Variants in FNDC3A observed in about 807,000 individuals in gnomAD.
The protein encoded by FNDC3A is fibronectin type III domain containing 3A.
FNDC3A carries 32 observed loss-of-function variants against 148.9 expected under a neutral mutation model. The observed-to-expected ratio is 0.21, with a 90% CI of 0.16 to 0.29. FNDC3A has a LOEUF of 0.29. FNDC3A is among the 10% of genes least tolerant of loss of function. The probability of loss-of-function intolerance (pLI) is 1.00; values close to 1 mark genes in which losing one functional copy is unlikely to be tolerated. For missense variants in FNDC3A, 1,191 were observed against 1,452.8 expected, an observed-to-expected ratio of 0.82 and a Z score of 2.93; for synonymous variants, 472 against 473.6, an observed-to-expected ratio of 1.00 and a Z score of 0.04.
intron 8 of FNDC3A, chr13:49,146,518 C>T (rs1329424572): frequency 6.6e-6 from 1 of 152,440 alleles, no homozygotes; most frequent in Non-Finnish European, 1.5e-5. Flanking sequence ...GGGTGGATCA[C>T]CTGAGTTCAG....
intron 4 of FNDC3A, among the ~76,000 whole-genome samples, chr13:49,115,290 C>T (rs1361405788): frequency 6.6e-6 from 1 of 151,954 alleles, no homozygotes; most frequent in Non-Finnish European, 1.5e-5. Context: ...TTTATGAACA[C>T]AGGCAAACTG....
chr13:49,178,295 A>ATTTT (rs1241510161), intron 13 of FNDC3A, among the ~76,000 whole-genome samples: 2 of 151,986 alleles, frequency 1.3e-5, no homozygotes, highest in South Asian at 2.1e-4. Flanking sequence ...AACTCTATAA[A>ATTTT]CTCTTCCCTC....
chr13:48,981,330 T>C (rs1951691014), intron 1 of FNDC3A, among the ~76,000 whole-genome samples: 1 of 152,112 alleles, frequency 6.6e-6, no homozygotes, highest in African/African-American at 2.4e-5. Flanking sequence ...CAATCTTGGT[T>C]TTCTAAGCAT....
At chr13:49,117,898 T>C (rs994151913) in intron 4 of FNDC3A, among the ~76,000 whole-genome samples, 4 of 152,200 alleles carry the variant, frequency 2.6e-5, no homozygotes, top group Admixed American at 6.5e-5. Context: ...TTTAGGTTCC[T>C]TAAGATAGGA....
intron 8 of FNDC3A, among the ~76,000 whole-genome samples, chr13:49,148,119 G>A (rs1883093203): frequency 6.6e-6 from 1 of 152,070 alleles, no homozygotes; most frequent in African/African-American, 2.4e-5. Flanking sequence ...CTGGATATTA[G>A]TCTTTTGTTA....
intron 3 of FNDC3A, among the ~76,000 whole-genome samples, chr13:49,105,719 T>C (rs1218729996): frequency 7.2e-5 from 11 of 152,326 alleles, no homozygotes; most frequent in Admixed American, 7.2e-4. Context: ...ATGTTCTAAA[T>C]TACATCCTTC....
chr13:48,997,702 G>T (rs571602648), intron 1 of FNDC3A, among the ~76,000 whole-genome samples: 1 of 152,242 alleles, frequency 6.6e-6, no homozygotes, highest in South Asian at 2.1e-4. Context: ...GGACATCTTG[G>T]CCTCCGTAAC....
intron 1 of FNDC3A, among the ~76,000 whole-genome samples, chr13:48,978,172 T>G (rs1055699735): frequency 6.6e-6 from 1 of 152,178 alleles, no homozygotes; most frequent in African/African-American, 2.4e-5. Context: ...TTAACACACA[T>G]GTAATGATTA....
In FNDC3A at chr13:49,114,747, A is replaced by AT; in HGVS notation, c.252+21dup. 1 of 1,530,650 alleles carries AT rather than the reference A, an allele frequency of 6.5e-7. No individual in the cohort carries two copies. Among genetic ancestry groups the AT allele is most frequent in the Non-Finnish European group, 9.1e-7 (1 of 1,104,370 alleles). 94.8% of individuals were successfully genotyped at this position (1,530,650 alleles called of 1,614,324 possible). ...TGCCCCACAGGTATGTTTTTATGCT[A>AT]TTTTTCTTTTCATATTTGTATAATA... On this transcript the variant is annotated intron_variant, in intron 4 of 25. Coordinates refer to ENST00000492622, the MANE Select transcript of FNDC3A (RefSeq NM_001079673.2).
chr13:49,086,260 A>C (rs1162617925), intron 3 of FNDC3A, among the ~76,000 whole-genome samples: 1 of 151,998 alleles, frequency 6.6e-6, no homozygotes, highest in African/African-American at 2.4e-5. Context: ...AAGATGGTTT[A>C]TTTCTTTTGA....
chr13:49,046,220 A>AT (rs1875395341), intron 2 of FNDC3A: 1 of 156,072 alleles, frequency 6.4e-6, no homozygotes, highest in Non-Finnish European at 1.4e-5. Flanking sequence ...TCCTCAGATC[A>AT]TTTCCAAGCA....
At position 49,209,009 on chromosome 13, in the gene FNDC3A, T is replaced by C. The variant is rs1886777850; in HGVS notation, c.*1614T>C. 6.6e-6 allele frequency: 1 copy of C among 152,662 alleles called. No individual in the cohort carries two copies. The allele number at this position is 152,662 out of a possible 1,614,324, so 9.5% of individuals were successfully genotyped here. On this transcript the variant is annotated 3_prime_UTR_variant, in exon 26 of 26. Transcript: ENST00000492622. ...TTGTTCAAAAAAGAAATGGATAAAC[T>C]TGGCCTTTCTAAGTGGTAAGAATGA...
intron 1 of FNDC3A, among the ~76,000 whole-genome samples, chr13:49,004,100 A>G (rs2137594105): frequency 6.6e-6 from 1 of 152,276 alleles, no homozygotes; most frequent in Non-Finnish European, 1.5e-5. Flanking sequence ...AATACATCAA[A>G]TGTTACATTA....
chr13:49,168,027 T>C (rs946188954), intron 9 of FNDC3A, among the ~76,000 whole-genome samples: 1 of 152,204 alleles, frequency 6.6e-6, no homozygotes, highest in Non-Finnish European at 1.5e-5. Context: ...AGATAATGTT[T>C]TACTCTATGC....
intron 2 of FNDC3A, among the ~76,000 whole-genome samples, chr13:49,051,103 C>T (rs926636010): frequency 6.6e-6 from 1 of 152,080 alleles, no homozygotes; most frequent in Non-Finnish European, 1.5e-5. Context: ...ATCTATTCTG[C>T]CATTCTGTAT....
chr13:49,026,814 G>A (rs1593488942), intron 2 of FNDC3A, among the ~76,000 whole-genome samples: 1 of 152,268 alleles, frequency 6.6e-6, no homozygotes. Context: ...TAAGATATAA[G>A]TAGCCAATAA....
chr13:49,140,755 G>A (rs986043568), intron 7 of FNDC3A, among the ~76,000 whole-genome samples: 1 of 152,216 alleles, frequency 6.6e-6, no homozygotes, highest in African/African-American at 2.4e-5. Flanking sequence ...ACAAGGCTTA[G>A]TTCAGTAAAC....
intron 10 of FNDC3A, among the ~76,000 whole-genome samples, 195 bp downstream of exon 10, chr13:49,168,946 C>G (rs1593698663): frequency 6.6e-6 from 1 of 152,178 alleles, no homozygotes; most frequent in East Asian, 1.9e-4. Context: ...GTAAATATAG[C>G]AAAAACGATT....
intron 2 of FNDC3A, among the ~76,000 whole-genome samples, chr13:49,059,816 G>T (rs1489850839): frequency 2.6e-5 from 4 of 152,082 alleles, no homozygotes; most frequent in Admixed American, 2.6e-4. Context: ...AATATATAAA[G>T]AACTATTACA....
Sources: allele counts gnomAD v4.1 joint callset (sites outside exome capture counted in the v4.1 genomes callset), GRCh38; gene constraint gnomAD v4.1.1; transcripts MANE v1.5; gene names NCBI Gene and HGNC (gene_info 2026-07-23, HGNC 2026-07-21).